ITGA2: variants seen among roughly 807,000 people sequenced by gnomAD.
ITGA2 encodes integrin alpha-2.
ITGA2 carries 101 observed loss-of-function variants against 146.3 expected under a neutral mutation model. The observed-to-expected ratio is 0.69, with a 90% CI of 0.59 to 0.81. The LOEUF (loss-of-function observed/expected upper bound fraction) is 0.81. Ranked by LOEUF, ITGA2 falls within the 40% of genes least tolerant of loss-of-function variation. The pLI, the probability that ITGA2 is intolerant of heterozygous loss-of-function variation, is 0.00. For synonymous variants in ITGA2, 477 were observed against 487.1 expected, an observed-to-expected ratio of 0.98 and a Z score of 0.27; for missense variants, 1,281 against 1,402.7, an observed-to-expected ratio of 0.91 and a Z score of 1.39.
chr5:53,023,276 C>T (rs1328667521), intron 1 of ITGA2, among the ~76,000 whole-genome samples: 1 of 152,192 alleles, frequency 6.6e-6, no homozygotes, highest in Non-Finnish European at 1.5e-5. Context: ...CATTGCCGTA[C>T]TCTTCTCTTT....
chr5:53,048,490 T>A lies in ITGA2; in HGVS notation c.502+13T>A, dbSNP rs761143557. The A allele has an allele frequency of 1.2e-6, 2 of 1,612,896 alleles. No homozygotes were observed. ...CCTGCAACTCAGCGTAAGTTATTAA[T>A]GTGCAGATGGTCTGAGCAATGCCTT... On this transcript the variant is annotated intron_variant, in intron 5 of 29. Transcript: ENST00000296585.
At chr5:53,011,242 C>A (rs985082335) in intron 1 of ITGA2, among the ~76,000 whole-genome samples, 2 of 152,142 alleles carry the variant, frequency 1.3e-5, no homozygotes, top group African/African-American at 4.8e-5. Flanking sequence ...GACTGTCTTT[C>A]CCAGCTGACT....
At chr5:53,026,443 C>G (rs1742948577) in intron 1 of ITGA2, among the ~76,000 whole-genome samples, 1 of 152,078 alleles carries the variant, frequency 6.6e-6, no homozygotes, top group Non-Finnish European at 1.5e-5. Context: ...CTCTTTCCAG[C>G]TGTGAGATAT....
At chr5:52,996,578 A>G (rs1741267319) in intron 1 of ITGA2, among the ~76,000 whole-genome samples, 1 of 152,200 alleles carries the variant, frequency 6.6e-6, no homozygotes, top group South Asian at 2.1e-4. Flanking sequence ...GTATGGAAAA[A>G]GGTACCTCCC....
At chr5:53,029,356 A>G (rs1743114805) in intron 2 of ITGA2, among the ~76,000 whole-genome samples, 2 of 152,110 alleles carry the variant, frequency 1.3e-5, no homozygotes, top group South Asian at 2.1e-4. Flanking sequence ...CCTCTCTCCT[A>G]TTATCATCTT....
At chr5:53,045,146 A>C (rs1033899327) in intron 4 of ITGA2, 54 bp downstream of exon 4, 3 of 1,322,524 alleles carry the variant, frequency 2.3e-6, no homozygotes, top group African/African-American at 1.4e-5. Flanking sequence ...CATAGACAGT[A>C]GTGTCTTCTC....
chr5:53,039,922 C>G (rs1743702730), intron 2 of ITGA2, among the ~76,000 whole-genome samples: 1 of 151,834 alleles, frequency 6.6e-6, no homozygotes, highest in South Asian at 2.1e-4. Context: ...GAATTCCTAG[C>G]CCTCATGTAC....
rs935703996 is a variant in ITGA2, at chr5:53,067,722, A to G, written c.2083+465A>G. Among the ~76,000 whole-genome samples the G allele has an allele frequency of 3.9e-5, 6 of 152,098 alleles. No homozygotes were observed. In the East Asian group the frequency reaches 9.7e-4, roughly 25 times the overall value. On this transcript the variant is annotated intron_variant, in intron 16 of 29. Coordinates refer to ENST00000296585, the MANE Select transcript of ITGA2 (RefSeq NM_002203.4). The stretch of plus-strand genomic sequence containing the variant: ...TGAAAGAAAACATGAAAAGCAATAT[A>G]TAACTTTTACCCAGTGTTTTAAATG...
At chr5:53,070,025 T>C in intron 16 of ITGA2, 84 bp from the exon 17 acceptor site, 1 of 1,128,320 alleles carries the variant, frequency 8.9e-7, no homozygotes, top group Non-Finnish European at 1.3e-6. Context: ...AGATACTTTG[T>C]CCAAGAAGAC....
At chr5:52,999,304 C>T (rs569079520) in intron 1 of ITGA2, among the ~76,000 whole-genome samples, 15 of 152,180 alleles carry the variant, frequency 9.9e-5, no homozygotes, top group African/African-American at 3.4e-4. Flanking sequence ...AATCAAAATT[C>T]AAATACAGTA....
At chr5:53,039,968 G>A (rs192741706) in intron 2 of ITGA2, among the ~76,000 whole-genome samples, 2 of 152,014 alleles carry the variant, frequency 1.3e-5, no homozygotes, top group East Asian at 1.9e-4. Context: ...TCAGTAGGAA[G>A]GCAGCTATGG....
intron 16 of ITGA2, 64 bp from the exon 17 acceptor site, chr5:53,070,045 C>A: frequency 7.4e-7 from 1 of 1,356,078 alleles, no homozygotes; most frequent in Non-Finnish European, 1.1e-6. Context: ...CACAATAAAG[C>A]AAAGATGCTT....
intron 1 of ITGA2, among the ~76,000 whole-genome samples, chr5:53,026,431 T>C (rs1213659733): frequency 1.3e-5 from 2 of 152,180 alleles, no homozygotes; most frequent in Admixed American, 6.6e-5. Context: ...CTTCATCCTT[T>C]CCTCTTTCCA....
Position 53,083,457 on chromosome 5 carries a change from A to G in ITGA2, c.3258+4A>G. ...TTGGAACGGGACTTTCGCATCAGTAAGTATCAGTTTTATTTGTTAGATTTA... is the reference window on the plus strand; with the variant it reads ...TTGGAACGGGACTTTCGCATCAGTAGGTATCAGTTTTATTTGTTAGATTTA... On this transcript the variant is annotated splice_donor_region_variant and intron_variant, in intron 27 of 29. Transcript: ENST00000296585. 6.8e-7 allele frequency: 1 copy of G among 1,480,678 alleles called. No individual in the cohort carries two copies. Among genetic ancestry groups the G allele is most frequent in the Non-Finnish European group, 9.5e-7 (1 of 1,058,160 alleles). The allele number at this position is 1,480,678 out of a possible 1,614,324, so 91.7% of individuals were successfully genotyped here. A position where few individuals can be genotyped will look rare whatever the true frequency, so the allele number is the denominator to read the frequency against.
chr5:53,056,030 T>TACTAAAAATTA lies in ITGA2; in HGVS notation c.978_979insCTAAAAATTAA (p.Lys327LeufsTer7), dbSNP rs779661631. 67 of 1,608,986 alleles carry TACTAAAAATTA rather than the reference T, an allele frequency of 4.2e-5. No homozygotes were observed. Among genetic ancestry groups the TACTAAAAATTA allele is most frequent in the Non-Finnish European group, 5.6e-5 (66 of 1,177,784 alleles). On this transcript the variant is annotated frameshift_variant, in exon 9 of 30. Coordinates refer to ENST00000296585, the MANE Select transcript of ITGA2 (RefSeq NM_002203.4). LOFTEE classifies it high-confidence loss of function. The stretch of plus-strand genomic sequence containing the variant: ...AACGCCCTTGATACTAAAAATTTAA[T>TACTAAAAATTA]AAAAGAAATAAAAGCAATCGCTAGT...
intron 1 of ITGA2, among the ~76,000 whole-genome samples, chr5:52,990,567 G>GT (rs1561272347): frequency 0.014 from 814 of 57,670 alleles, 7 homozygotes; most frequent in Middle Eastern, 0.035. Context: ...GTGTGTGTGT[G>GT]GTTTTTTTTT....
At chr5:53,009,295 T>A (rs1340449449) in intron 1 of ITGA2, among the ~76,000 whole-genome samples, 1 of 152,128 alleles carries the variant, frequency 6.6e-6, no homozygotes, top group African/African-American at 2.4e-5. Flanking sequence ...CTATGAGTAT[T>A]ACCTTATCTG....
At chr5:53,019,065 A>AAAATAAATAAATAAAT (rs3212415) in intron 1 of ITGA2, among the ~76,000 whole-genome samples, 89 of 151,264 alleles carry the variant, frequency 5.9e-4, no homozygotes, top group African/African-American at 2.1e-3. Context: ...CTCCAGTCTC[A>AAAATAAATAAATAAAT]AAATAAATAA....
Position 53,055,657 on chromosome 5 carries a change from A to G in ITGA2, c.899A>G (p.Asn300Ser). 1.2e-6 allele frequency: 2 copies of G among 1,613,334 alleles called. No individual in the cohort carries two copies. Among genetic ancestry groups the G allele is most frequent in the East Asian group, 4.5e-5 (2 of 44,840 alleles). Reference protein sequence around the residue: ...SMLKAVIDQCNHDNILRFGIA... With the variant: ...SMLKAVIDQCSHDNILRFGIA... ...TTGAAAGCTGTGATTGATCAATGCA[A>G]CCATGACAATATACTGAGGTTTGGC... Residue 300 changes from asparagine to serine, a missense_variant, in exon 8 of 30, where the codon AAC (asparagine) becomes AGC (serine). By Grantham distance (46) the Asn-to-Ser change is conservative. Coordinates refer to ENST00000296585, the MANE Select transcript of ITGA2 (RefSeq NM_002203.4).
Sources: gnomAD v4.1 joint callset for allele counts (sites outside exome capture counted in the v4.1 genomes callset) on GRCh38, gnomAD v4.1.1 for gene constraint, MANE v1.5 for transcripts, NCBI Gene and HGNC (gene_info 2026-07-23, HGNC 2026-07-21) for gene names.